The following PRKAA2 variants were observed in gnomAD, a reference collection of about 807,000 sequenced individuals.
The protein encoded by PRKAA2 is protein kinase AMP-activated catalytic subunit alpha 2, also known as 5'-AMP-activated protein kinase catalytic subunit alpha-2.
A neutral mutation model predicts 56.3 loss-of-function variants in PRKAA2; 40 were observed. The observed-to-expected ratio is 0.71, with a 90% CI of 0.55 to 0.92. PRKAA2 has a LOEUF of 0.92. PRKAA2 is among the 40% of genes least tolerant of loss of function. PRKAA2 has a pLI of 0.00. For missense variants in PRKAA2, 542 were observed against 686.9 expected (o/e 0.79, Z 2.36); for synonymous variants, 214 against 234.2 (o/e 0.91, Z 0.79).
At position 56,653,182 on chromosome 1, in the gene PRKAA2, G is replaced by A. The variant is rs145798746; in HGVS notation, c.94+7701G>A. On this transcript the variant is annotated intron_variant, in intron 1 of 8. Transcript: ENST00000371244. ...ATGTTTCTTCTCAAATACTAGATTA[G>A]TGATTGAATTAAAATCAGTTGAATT... Among the ~76,000 whole-genome samples, 907 of 151,308 alleles carry A rather than the reference G, an allele frequency of 6.0e-3. 4 individuals carry two copies. Among genetic ancestry groups the A allele is most frequent in the African/African-American group, 0.021 (864 of 41,320 alleles).
rs1569726647 is a variant in PRKAA2, at chr1:56,663,884, G to A, written c.95-10497G>A. On this transcript the variant is annotated intron_variant, in intron 1 of 8. Coordinates refer to ENST00000371244, the MANE Select transcript of PRKAA2 (RefSeq NM_006252.4). ...AGAGGCAGAGGTAGGAAGATCGCTT[G>A]AGCCCAGGAGTTTGAGACCAGCTTT... Among the ~76,000 whole-genome samples, 3 of 152,152 alleles carry A rather than the reference G, an allele frequency of 2.0e-5. No homozygotes were observed. The East Asian group carries it at 5.8e-4, about 29-fold the overall frequency.
At position 56,645,361 on chromosome 1, in the gene PRKAA2, G is replaced by C; in HGVS notation, c.-27G>C. 1 of 1,443,598 alleles carries C rather than the reference G, an allele frequency of 6.9e-7. No homozygotes were observed. The highest frequency in any genetic ancestry group is 3.3e-5 in the East Asian group (1 of 30,012). The allele number at this position is 1,443,598 out of a possible 1,614,324, so 89.4% of individuals were successfully genotyped here. ...GCGGCGGCTACGCGGAGCGGCAGGCGGTGGAGCGAGGCCGCGCGCGCCGAA... is the reference window on the plus strand; with the variant it reads ...GCGGCGGCTACGCGGAGCGGCAGGCCGTGGAGCGAGGCCGCGCGCGCCGAA... On this transcript the variant is annotated 5_prime_UTR_variant, in exon 1 of 9. Coordinates refer to ENST00000371244, the MANE Select transcript of PRKAA2 (RefSeq NM_006252.4).
Position 56,710,821 on chromosome 1 carries a change from T to G in PRKAA2, c.*3108T>G, listed in dbSNP as rs375980162. ...AAAAGTCTAAGAGACTAATGACTCA[T>G]GCTTATGGCTCAGTGGGTAATGAAT... On this transcript the variant is annotated 3_prime_UTR_variant, in exon 9 of 9. Transcript: ENST00000371244. The G allele has an allele frequency of 6.6e-5, 10 of 152,260 alleles. No individual in the cohort carries two copies. The East Asian group carries it at 1.7e-3, about 26-fold the overall frequency. 9.4% of individuals were successfully genotyped at this position (152,260 alleles called of 1,614,324 possible).
chr1:56,702,888 T>C (rs1644306390), intron 6 of PRKAA2, among the ~76,000 whole-genome samples: 1 of 152,256 alleles, frequency 6.6e-6, no homozygotes, highest in Non-Finnish European at 1.5e-5. Flanking sequence ...ATTTGTTTAA[T>C]CTCTGTGCAG....
rs918010906 is a variant in PRKAA2, at chr1:56,703,832, G to T, written c.789-139G>T. The T allele has an allele frequency of 6.1e-5, 56 of 912,326 alleles. 1 individual carries two copies. The African/African-American group carries it at 8.7e-4, about 14-fold the overall frequency. 56.5% of individuals were successfully genotyped at this position (912,326 alleles called of 1,614,324 possible). A position where few individuals can be genotyped will look rare whatever the true frequency, so the allele number is the denominator to read the frequency against. The stretch of plus-strand genomic sequence containing the variant: ...GGTGGTGGGTAATTAACTTGCTCAG[G>T]ATCACATAGCTAGTAAGTGGCAGAG... On this transcript the variant is annotated intron_variant, in intron 6 of 8. Transcript: ENST00000371244.
intron 1 of PRKAA2, among the ~76,000 whole-genome samples, chr1:56,648,024 C>T (rs1268877495): frequency 1.4e-5 from 2 of 144,190 alleles, no homozygotes; most frequent in African/African-American, 2.6e-5. Flanking sequence ...AGCAAGACTC[C>T]ATCTCAAAAA....
rs942368105 is a variant in PRKAA2 at position 56,711,629 on chromosome 1, A to G, written c.*3916A>G. 6.6e-6 allele frequency: 1 copy of G among 152,108 alleles called. No homozygotes were observed. Among genetic ancestry groups the G allele is most frequent in the African/African-American group, 2.4e-5 (1 of 41,430 alleles). The allele number at this position is 152,108 out of a possible 1,614,324, so 9.4% of individuals were successfully genotyped here. On this transcript the variant is annotated 3_prime_UTR_variant, in exon 9 of 9. Coordinates refer to ENST00000371244, the MANE Select transcript of PRKAA2 (RefSeq NM_006252.4). ...CCTGTGTCACCCTGTGGCTTTTTAA[A>G]TAGGGAATGTAATTTATTTTAATAG...
At chr1:56,680,151 C>A (rs560377760) in intron 2 of PRKAA2, among the ~76,000 whole-genome samples, 150 of 152,148 alleles carry the variant, frequency 9.9e-4, no homozygotes, top group Non-Finnish European at 1.8e-3. Context: ...CTAACCCCCA[C>A]ATTGTCTGAG....
intron 7 of PRKAA2, among the ~76,000 whole-genome samples, chr1:56,705,028 G>A (rs1644322257): frequency 6.6e-6 from 1 of 151,998 alleles, no homozygotes; most frequent in South Asian, 2.1e-4. Flanking sequence ...AAAAATTAGT[G>A]CTCAATTTCA....
chr1:56,667,079 T>G (rs1368033660), intron 1 of PRKAA2, among the ~76,000 whole-genome samples: 1 of 152,214 alleles, frequency 6.6e-6, no homozygotes, highest in Non-Finnish European at 1.5e-5. Context: ...ACTAAAGTAT[T>G]TCATAACATA....
chr1:56,667,063 C>A (rs1644041332), intron 1 of PRKAA2, among the ~76,000 whole-genome samples: 1 of 152,178 alleles, frequency 6.6e-6, no homozygotes, highest in African/African-American at 2.4e-5. Context: ...ACTAATCTTT[C>A]TTACTACTAA....
At chr1:56,680,267 A>G (rs1644143775) in intron 2 of PRKAA2, among the ~76,000 whole-genome samples, 1 of 152,154 alleles carries the variant, frequency 6.6e-6, no homozygotes, top group Admixed American at 6.5e-5. Flanking sequence ...CGAAGCCCTT[A>G]AATTGTGTTG....
intron 2 of PRKAA2, among the ~76,000 whole-genome samples, chr1:56,676,678 A>C (rs985441612): frequency 1.3e-5 from 2 of 152,206 alleles, no homozygotes; most frequent in African/African-American, 4.8e-5. Flanking sequence ...GGCTGGTCCA[A>C]TTATTGTTGA....
At chr1:56,692,281 C>T in intron 3 of PRKAA2, 77 bp from the exon 4 acceptor site, 1 of 1,558,160 alleles carries the variant, frequency 6.4e-7, no homozygotes, top group East Asian at 2.3e-5. Context: ...ATCCACCTGC[C>T]TTGGCTGGGA....
rs747610142 is a variant in PRKAA2, at chr1:56,674,500, C to T, written c.214C>T (p.Arg72Cys). 12 of 1,538,220 alleles carry T rather than the reference C, an allele frequency of 7.8e-6. No individual in the cohort carries two copies. The highest frequency in any genetic ancestry group is 2.5e-5 in the South Asian group (2 of 81,486). ...AGAAATTCAAAATCTAAAACTCTTT[C>T]GTCATCCTCATATTATCAAACTGTA... ...KREIQNLKLF[R>C]HPHIIKLYQV... The change falls in exon 2 of 9, where the codon CGT (arginine) becomes TGT (cysteine). Residue 72 changes from arginine (R) to cysteine (C), a missense_variant. Arg to Cys is a radical substitution (Grantham distance 180, BLOSUM62 -3). Coordinates refer to ENST00000371244, the MANE Select transcript of PRKAA2 (RefSeq NM_006252.4).
At chr1:56,651,123 A>G (rs1195987576) in intron 1 of PRKAA2, among the ~76,000 whole-genome samples, 1 of 152,244 alleles carries the variant, frequency 6.6e-6, no homozygotes, top group East Asian at 1.9e-4. Flanking sequence ...GGAGTAGCGA[A>G]TCTGTGAGGT....
rs750147419 is a variant in PRKAA2 at position 56,695,989 on chromosome 1, T to C, written c.618T>C (p.Ala206=). 1.2e-6 allele frequency: 2 copies of C among 1,611,916 alleles called. No individual in the cohort carries two copies. Among genetic ancestry groups the C allele is most frequent in the Non-Finnish European group, 1.7e-6 (2 of 1,179,630 alleles). Residue 206 remains alanine (A), a synonymous_variant, in exon 6 of 9, where the codon GCT becomes GCC. Transcript: ENST00000371244. The stretch of plus-strand genomic sequence containing the variant: ...GGAGCTGTGGTGTTATCTTGTATGC[T>C]CTTCTTTGTGGCACCCTCCCATTTG... The part of the protein sequence containing the change: ...DIWSCGVILY[A]LLCGTLPFDD...
At chr1:56,664,138 A>G (rs917153843) in intron 1 of PRKAA2, among the ~76,000 whole-genome samples, 1 of 152,136 alleles carries the variant, frequency 6.6e-6, no homozygotes, top group African/African-American at 2.4e-5. Flanking sequence ...TCTTAAAACA[A>G]ATTACCTATT....
intron 2 of PRKAA2, among the ~76,000 whole-genome samples, chr1:56,683,012 A>G (rs903880289): frequency 6.7e-6 from 1 of 148,404 alleles, no homozygotes; most frequent in Middle Eastern, 3.2e-3. Flanking sequence ...TTTGATATGT[A>G]TTTTGGAGGG....
Sources: allele counts gnomAD v4.1 joint callset (sites outside exome capture counted in the v4.1 genomes callset), GRCh38; gene constraint gnomAD v4.1.1; transcripts MANE v1.5; gene names NCBI Gene and HGNC (gene_info 2026-07-23, HGNC 2026-07-21).